The following GRM7 variants were observed in gnomAD, a reference collection of about 807,000 sequenced individuals.
GRM7 encodes metabotropic glutamate receptor 7.
Under a neutral mutation model 84.5 loss-of-function variants are expected in GRM7, and 35 were observed. The observed-to-expected ratio is 0.41, with a 90% CI of 0.32 to 0.55. The LOEUF (loss-of-function observed/expected upper bound fraction) is 0.55. Among genes scored for constraint, GRM7 ranks in the 20% least tolerant of loss-of-function variants. The pLI is 0.19. For missense variants in GRM7, 1,003 were observed against 1,194.6 expected (o/e 0.84, Z 2.36); for synonymous variants, 487 against 455.1 (o/e 1.07, Z -0.89).
At chr3:6,967,599 C>T (rs1436300967) in intron 1 of GRM7, among the ~76,000 whole-genome samples, 2 of 152,158 alleles carry the variant, frequency 1.3e-5, no homozygotes, top group African/African-American at 4.8e-5. Flanking sequence ...CATAAATTAT[C>T]ATATATTTTC....
chr3:7,270,550 C>A (rs1468914936), intron 2 of GRM7, among the ~76,000 whole-genome samples: 1 of 151,714 alleles, frequency 6.6e-6, no homozygotes, highest in Non-Finnish European at 1.5e-5. Flanking sequence ...TTTTACTATC[C>A]AGGGATCTTC....
intron 8 of GRM7, among the ~76,000 whole-genome samples, chr3:7,630,069 G>C (rs78696017): frequency 2.6e-5 from 4 of 152,134 alleles, no homozygotes; most frequent in African/African-American, 7.2e-5. Context: ...AGTAAAATCC[G>C]ACATCTAAAA....
At chr3:7,097,862 C>T (rs978008534) in intron 1 of GRM7, among the ~76,000 whole-genome samples, 24 of 152,212 alleles carry the variant, frequency 1.6e-4, no homozygotes, top group Non-Finnish European at 3.4e-4. Context: ...TATTAACCAA[C>T]AGTGTTTACA....
chr3:7,179,066 A>G (rs1191009929), intron 2 of GRM7, among the ~76,000 whole-genome samples: 1 of 152,170 alleles, frequency 6.6e-6, no homozygotes, highest in African/African-American at 2.4e-5. Context: ...AGATTGTGCC[A>G]CTGCACTCTA....
chr3:7,287,374 T>C (rs1398394510), intron 2 of GRM7, among the ~76,000 whole-genome samples: 2 of 152,146 alleles, frequency 1.3e-5, no homozygotes, highest in Non-Finnish European at 2.9e-5. Flanking sequence ...CTGCTTCAAA[T>C]GTCTTGTTTT....
chr3:7,516,948 G>A (rs1575440649), intron 7 of GRM7, among the ~76,000 whole-genome samples: 1 of 152,134 alleles, frequency 6.6e-6, no homozygotes, highest in Non-Finnish European at 1.5e-5. Context: ...TTCCTGAGAT[G>A]CACCTTCCTG....
intron 5 of GRM7, among the ~76,000 whole-genome samples, chr3:7,429,656 G>A (rs181960805): frequency 3.3e-4 from 50 of 152,118 alleles, no homozygotes; most frequent in African/African-American, 1.0e-3. Flanking sequence ...TAAAGTTCTC[G>A]GAGGTTTGTT....
chr3:7,310,565 A>T (rs923723978), intron 4 of GRM7, among the ~76,000 whole-genome samples: 2 of 152,128 alleles, frequency 1.3e-5, no homozygotes, highest in Non-Finnish European at 2.9e-5. Flanking sequence ...AAAAAATGAG[A>T]AAGAAAATAT....
intron 7 of GRM7, among the ~76,000 whole-genome samples, chr3:7,525,380 T>C (rs1700754280): frequency 6.6e-6 from 1 of 152,074 alleles, no homozygotes; most frequent in Admixed American, 6.6e-5. Context: ...GAATGGAGTA[T>C]AGGAAACTGA....
intron 4 of GRM7, among the ~76,000 whole-genome samples, chr3:7,372,606 G>C (rs889975912): frequency 3.9e-5 from 6 of 152,130 alleles, no homozygotes; most frequent in Non-Finnish European, 8.8e-5. Context: ...ATAGTCTGTT[G>C]CAGGAGGACT....
intron 1 of GRM7, among the ~76,000 whole-genome samples, chr3:7,052,028 A>C (rs1697020275): frequency 6.6e-6 from 1 of 151,768 alleles, no homozygotes; most frequent in African/African-American, 2.4e-5. Context: ...TAATGTAATA[A>C]AATAACAAAT....
At chr3:7,297,657 A>G (rs1407834191) in intron 2 of GRM7, among the ~76,000 whole-genome samples, 1 of 152,184 alleles carries the variant, frequency 6.6e-6, no homozygotes, top group Non-Finnish European at 1.5e-5. Context: ...GTGGAAGTCT[A>G]GAAGCTTCCA....
At chr3:7,403,466 G>A (rs1695538146) in intron 4 of GRM7, among the ~76,000 whole-genome samples, 1 of 151,036 alleles carries the variant, frequency 6.6e-6, no homozygotes, top group African/African-American at 2.4e-5. Context: ...TAATCTCTAT[G>A]TAGCAGAATA....
intron 7 of GRM7, among the ~76,000 whole-genome samples, chr3:7,473,783 G>T (rs1405951027): frequency 7.2e-5 from 11 of 152,034 alleles, no homozygotes. Flanking sequence ...TTCAGAAAAG[G>T]GACTATTTAT....
At chr3:7,117,625 C>T (rs563274379) in intron 1 of GRM7, among the ~76,000 whole-genome samples, 5 of 152,196 alleles carry the variant, frequency 3.3e-5, no homozygotes, top group African/African-American at 1.2e-4. Context: ...CTCTCCCAGT[C>T]AGTTATTCAG....
chr3:7,238,897 CTTTCT>C (rs1297572305), intron 2 of GRM7, among the ~76,000 whole-genome samples: 1 of 145,872 alleles, frequency 6.9e-6, no homozygotes, highest in Non-Finnish European at 1.5e-5. Context: ...CTTTCCTTTC[CTTTCT>C]TTTTTCTTCT....
chr3:7,314,287 A>T (rs181342853), intron 4 of GRM7, among the ~76,000 whole-genome samples: 208 of 152,268 alleles, frequency 1.4e-3, no homozygotes, highest in African/African-American at 4.9e-3. Context: ...AAGTTATCGT[A>T]TCCACATTGT....
At chr3:7,069,447 A>C (rs917565796) in intron 1 of GRM7, among the ~76,000 whole-genome samples, 1 of 152,090 alleles carries the variant, frequency 6.6e-6, no homozygotes, top group African/African-American at 2.4e-5. Context: ...CCATGGGCCA[A>C]ACCTAATTGA....
At chr3:7,457,930 A>T (rs2124901703) in intron 6 of GRM7, among the ~76,000 whole-genome samples, 1 of 152,292 alleles carries the variant, frequency 6.6e-6, no homozygotes, top group East Asian at 1.9e-4. Flanking sequence ...GTCCCCACAG[A>T]GCTCTGACCA....
Sources: gnomAD v4.1 joint callset for allele counts (sites outside exome capture counted in the v4.1 genomes callset) on GRCh38, gnomAD v4.1.1 for gene constraint, MANE v1.5 for transcripts, NCBI Gene and HGNC (gene_info 2026-07-23, HGNC 2026-07-21) for gene names.